The following ADAMTS17 variants were observed in gnomAD, a reference collection of about 807,000 sequenced individuals.
ADAMTS17 encodes A disintegrin and metalloproteinase with thrombospondin motifs 17.
Under a neutral mutation model 141.5 loss-of-function variants are expected in ADAMTS17, and 113 were observed. The ratio of observed to expected loss-of-function variants is 0.80; its 90% CI spans 0.69 to 0.93. ADAMTS17 has a LOEUF of 0.93. Among genes scored for constraint, ADAMTS17 ranks in the 40% least tolerant of loss-of-function variants. The probability of loss-of-function intolerance (pLI) is 0.00; values close to 1 mark genes in which losing one functional copy is unlikely to be tolerated. For synonymous variants in ADAMTS17, 768 were observed against 630.6 expected, an observed-to-expected ratio of 1.22 and a Z score of -3.27; for missense variants, 1,659 against 1,517.9, an observed-to-expected ratio of 1.09 and a Z score of -1.54.
intron 7 of ADAMTS17, among the ~76,000 whole-genome samples, chr15:100,250,090 C>T (rs1006455420): frequency 3.3e-5 from 5 of 152,066 alleles, no homozygotes; most frequent in East Asian, 1.9e-4. Flanking sequence ...TAAAAAAGCA[C>T]GATTTAAAAC....
chr15:100,324,745 C>T (rs1232160720), intron 3 of ADAMTS17, among the ~76,000 whole-genome samples: 1 of 152,214 alleles, frequency 6.6e-6, no homozygotes, highest in Non-Finnish European at 1.5e-5. Flanking sequence ...AGAAAAAGGG[C>T]ATTGAAGTGG....
intron 6 of ADAMTS17, among the ~76,000 whole-genome samples, chr15:100,260,064 C>T (rs1035387312): frequency 1.3e-5 from 2 of 152,004 alleles, no homozygotes; most frequent in African/African-American, 2.4e-5. Context: ...AAGCTGGTCT[C>T]GAACTCCTGA....
chr15:100,098,115 A>G (rs1338655953), intron 14 of ADAMTS17, among the ~76,000 whole-genome samples: 1 of 152,232 alleles, frequency 6.6e-6, no homozygotes, highest in African/African-American at 2.4e-5. Flanking sequence ...GCCAGAGGAC[A>G]GCAAGGAGCA....
intron 7 of ADAMTS17, among the ~76,000 whole-genome samples, chr15:100,218,425 C>G (rs189555598): frequency 2.0e-5 from 3 of 152,130 alleles, no homozygotes; most frequent in African/African-American, 4.8e-5. Flanking sequence ...GGCAAATGAT[C>G]TAAATAGACA....
chr15:100,193,378 G>A (rs960344968), intron 8 of ADAMTS17, among the ~76,000 whole-genome samples: 1 of 152,336 alleles, frequency 6.6e-6, no homozygotes, highest in Non-Finnish European at 1.5e-5. Context: ...CAGGGTGACC[G>A]AGAGAGAGGT....
rs1276824631 is a variant in ADAMTS17, at chr15:100,199,320, G to A, written c.1179C>T (p.His393=). The A allele has an allele frequency of 6.2e-7, 1 of 1,613,562 alleles. No homozygotes were observed. The highest frequency in any genetic ancestry group is 1.3e-5 in the African/African-American group (1 of 74,928). ...LAFTIAHELG[H]NLGMNHDDDH... is the part of the protein sequence containing the mutation. ...ACGACACAGAGTCTGATACTTACTT[G>A]TGGCCCAGCTCATGGGCGATGGTAA... Residue 393 remains histidine, a splice_region_variant and synonymous_variant, in exon 8 of 22, where the codon CAC becomes CAT. Transcript: ENST00000268070.
At chr15:100,114,580 C>T (rs773312313) in intron 13 of ADAMTS17, among the ~76,000 whole-genome samples, 6 of 152,178 alleles carry the variant, frequency 3.9e-5, no homozygotes, top group African/African-American at 9.7e-5. Flanking sequence ...AAGCCCCGAG[C>T]GTGGGGTCTC....
At chr15:100,180,316 G>C (rs2040479714) in intron 8 of ADAMTS17, among the ~76,000 whole-genome samples, 1 of 152,174 alleles carries the variant, frequency 6.6e-6, no homozygotes, top group Non-Finnish European at 1.5e-5. Flanking sequence ...CGTCAAAAAT[G>C]AGTTCACTGT....
At chr15:100,278,938 G>A (rs983212586) in intron 4 of ADAMTS17, among the ~76,000 whole-genome samples, 3 of 152,148 alleles carry the variant, frequency 2.0e-5, no homozygotes, top group African/African-American at 7.2e-5. Flanking sequence ...GAAACAAGCT[G>A]TGGGATCCCA....
At chr15:100,333,191 T>C (rs989916384) in intron 2 of ADAMTS17, among the ~76,000 whole-genome samples, 19 of 152,172 alleles carry the variant, frequency 1.2e-4, no homozygotes, top group African/African-American at 4.6e-4. Flanking sequence ...CTACCCCATG[T>C]TATAGGACCT....
intron 10 of ADAMTS17, among the ~76,000 whole-genome samples, chr15:100,134,493 C>G (rs1258791159): frequency 6.6e-6 from 1 of 152,170 alleles, no homozygotes; most frequent in Non-Finnish European, 1.5e-5. Flanking sequence ...GGCCAGGGAC[C>G]TGCTGCTTCA....
intron 18 of ADAMTS17, among the ~76,000 whole-genome samples, chr15:100,038,810 T>C (rs1205672107): frequency 6.6e-6 from 1 of 152,250 alleles, no homozygotes; most frequent in Non-Finnish European, 1.5e-5. Flanking sequence ...TTTTATTTCA[T>C]TTACTTGGGT....
At chr15:100,205,298 A>G (rs139940489) in intron 7 of ADAMTS17, among the ~76,000 whole-genome samples, 1 of 152,268 alleles carries the variant, frequency 6.6e-6, no homozygotes, top group Non-Finnish European at 1.5e-5. Context: ...GGAGGAATAA[A>G]TTGGCCCTGG....
intron 2 of ADAMTS17, 74 bp from the exon 3 acceptor site, chr15:100,331,128 A>C (rs900841498): frequency 6.4e-7 from 1 of 1,574,192 alleles, no homozygotes; most frequent in African/African-American, 1.4e-5. Flanking sequence ...CCGGAGGGGC[A>C]GGCAAGACCA....
At chr15:100,213,970 A>G (rs186661466) in intron 7 of ADAMTS17, among the ~76,000 whole-genome samples, 1 of 152,336 alleles carries the variant, frequency 6.6e-6, no homozygotes, top group East Asian at 1.9e-4. Context: ...ATGAATTTAC[A>G]AAAGAAAGCA....
At chr15:99,983,001 T>C (rs1210734776) in intron 20 of ADAMTS17, among the ~76,000 whole-genome samples, 2 of 152,236 alleles carry the variant, frequency 1.3e-5, no homozygotes, top group Non-Finnish European at 2.9e-5. Flanking sequence ...TGTGCTTTTT[T>C]TGTGTGCAAA....
chr15:100,006,599 T>C (rs2061040399), intron 18 of ADAMTS17, among the ~76,000 whole-genome samples: 1 of 152,190 alleles, frequency 6.6e-6, no homozygotes, highest in Non-Finnish European at 1.5e-5. Flanking sequence ...AAAAACAGCA[T>C]GAGATGTTGT....
chr15:100,097,067 G>A (rs919309447), intron 14 of ADAMTS17, among the ~76,000 whole-genome samples: 7 of 152,180 alleles, frequency 4.6e-5, no homozygotes, highest in African/African-American at 1.4e-4. Flanking sequence ...TTTCAACAAG[G>A]CACGTCTGAG....
chr15:100,082,433 T>C (rs1461902809), intron 15 of ADAMTS17, among the ~76,000 whole-genome samples: 1 of 151,106 alleles, frequency 6.6e-6, no homozygotes, highest in African/African-American at 2.4e-5. Flanking sequence ...CAGGATGGAG[T>C]GCAGTGGCGT....
Sources: allele counts gnomAD v4.1 joint callset (sites outside exome capture counted in the v4.1 genomes callset), GRCh38; gene constraint gnomAD v4.1.1; transcripts MANE v1.5; gene names NCBI Gene and HGNC (gene_info 2026-07-23, HGNC 2026-07-21).